Variants in POU3F3 observed in about 807,000 individuals in gnomAD.
POU3F3 encodes POU domain, class 3, transcription factor 3.
A neutral mutation model predicts 8.6 loss-of-function variants in POU3F3; 1 was observed. The ratio of observed to expected loss-of-function variants is 0.12; its 90% confidence interval spans 0.04 to 0.55. The LOEUF is 0.55. Among genes scored for constraint, POU3F3 ranks in the 20% least tolerant of loss-of-function variants. The pLI is 0.91. For missense variants in POU3F3, 577 were observed against 690.7 expected, an observed-to-expected ratio of 0.84 and a Z score of 1.84; for synonymous variants, 418 against 327.4, an observed-to-expected ratio of 1.28 and a Z score of -2.99.
the POU3F3 span, among the ~76,000 whole-genome samples, chr2:104,923,677 C>T: frequency 2.0e-5 from 3 of 152,074 alleles, no homozygotes; most frequent in African/African-American, 4.8e-5. Context: ...TAAGTTTCTC[C>T]TCATCAATAA....
the POU3F3 span, among the ~76,000 whole-genome samples, chr2:104,919,590 C>A: frequency 6.6e-6 from 1 of 152,208 alleles, no homozygotes; most frequent in Non-Finnish European, 1.5e-5. Context: ...TTTAAGCCTG[C>A]AGCTTCGGTT....
chr2:104,861,892 C>T (rs1314902251), downstream of POU3F3, among the ~76,000 whole-genome samples: 1 of 152,164 alleles, frequency 6.6e-6, no homozygotes, highest in African/African-American at 2.4e-5. Context: ...AGGATCCTCA[C>T]GGTAGGCTTG....
the POU3F3 span, among the ~76,000 whole-genome samples, chr2:104,881,359 T>A: frequency 6.6e-6 from 1 of 151,346 alleles, no homozygotes; most frequent in Admixed American, 6.6e-5. Flanking sequence ...GAGATGGGGG[T>A]ATCACTGAGT....
At chr2:104,917,675 A>T in the POU3F3 span, among the ~76,000 whole-genome samples, 1 of 152,192 alleles carries the variant, frequency 6.6e-6, no homozygotes, top group Non-Finnish European at 1.5e-5. Context: ...GAAACTATCC[A>T]CTTGGTTTCA....
the POU3F3 span, among the ~76,000 whole-genome samples, chr2:104,903,015 C>T: frequency 3.3e-5 from 5 of 152,252 alleles, no homozygotes; most frequent in East Asian, 7.7e-4. Flanking sequence ...AATGTCATAT[C>T]GCTGCAGGCT....
Position 104,856,245 on chromosome 2 carries a change from CG to C in POU3F3, c.737del (p.Gly246AlafsTer123). The C allele has an allele frequency of 4.7e-6, 6 of 1,281,414 alleles. No individual in the cohort carries two copies. In the South Asian group the frequency reaches 8.7e-5, roughly 19 times the overall value. The allele number at this position is 1,281,414 out of a possible 1,614,324, so 79.4% of individuals were successfully genotyped here. A position where few individuals can be genotyped will look rare whatever the true frequency, so the allele number is the denominator to read the frequency against. ...CACCGGGGCCCGGCGGCGGCGGCGG[CG>C]GCGCGGGCGGTGGAGCCCAGAGCTT... ...APPGPGGGGG[G>X]AGGGAQSLVH... On this transcript the variant is annotated frameshift_variant, in exon 1 of 1. Coordinates refer to ENST00000361360, the MANE Select transcript of POU3F3 (RefSeq NM_006236.3). LOFTEE classifies it high-confidence loss of function.
downstream of POU3F3, among the ~76,000 whole-genome samples, chr2:104,861,130 C>G (rs1189284825): frequency 6.6e-6 from 1 of 152,066 alleles, no homozygotes; most frequent in Non-Finnish European, 1.5e-5. Context: ...CAAGCTAAAT[C>G]AAAAATGATA....
the POU3F3 span, among the ~76,000 whole-genome samples, chr2:104,921,236 G>A: frequency 7.2e-5 from 11 of 152,212 alleles, no homozygotes; most frequent in South Asian, 1.9e-3. Context: ...CATAGCCAGC[G>A]TCCAAACTGG....
At chr2:104,910,347 C>G in the POU3F3 span, among the ~76,000 whole-genome samples, 1 of 152,120 alleles carries the variant, frequency 6.6e-6, no homozygotes, top group Non-Finnish European at 1.5e-5. Context: ...AGCAATATAT[C>G]TACAAGCGGC....
At chr2:104,865,921 G>A in the POU3F3 span, 1 of 152,178 alleles carries the variant, frequency 6.6e-6, no homozygotes, top group African/African-American at 2.4e-5. Flanking sequence ...TAGTAGCTTG[G>A]TCTTGAGAAT....
rs771043661 is a variant in POU3F3, at chr2:104,855,923, AGCCGCCGCC to A, written c.417_425del (p.Pro142_Pro144del). 1.0e-5 allele frequency: 11 copies of A among 1,057,572 alleles called. No homozygotes were observed. The highest frequency in any genetic ancestry group is 1.0e-4 in the East Asian group (1 of 9,962). 65.5% of individuals were successfully genotyped at this position (1,057,572 alleles called of 1,614,324 possible). A position where few individuals can be genotyped will look rare whatever the true frequency, so the allele number is the denominator to read the frequency against. On this transcript the variant is annotated inframe_deletion, in exon 1 of 1. Coordinates refer to ENST00000361360, the MANE Select transcript of POU3F3 (RefSeq NM_006236.3). ...GCTGGCAGCCCCCAGCAGCCACCGC[AGCCGCCGCC>A]GCCACCGCCGCAGGGCCCCGACGTG...
the POU3F3 span, among the ~76,000 whole-genome samples, chr2:104,902,584 C>G: frequency 1.3e-5 from 2 of 152,322 alleles, no homozygotes; most frequent in Non-Finnish European, 2.9e-5. Context: ...TTGTTTGCCC[C>G]TTTCCTGCTG....
chr2:104,904,834 G>T, the POU3F3 span, among the ~76,000 whole-genome samples: 4 of 152,094 alleles, frequency 2.6e-5, no homozygotes, highest in African/African-American at 4.8e-5. Flanking sequence ...CAAGAGAGGG[G>T]CGTGGAGGGG....
At chr2:104,886,514 C>T in the POU3F3 span, among the ~76,000 whole-genome samples, 1 of 152,218 alleles carries the variant, frequency 6.6e-6, no homozygotes, top group Admixed American at 6.5e-5. Context: ...ATAACTGTTA[C>T]AGGAAAGGGG....
chr2:104,898,900 A>G, the POU3F3 span, among the ~76,000 whole-genome samples: 25 of 152,316 alleles, frequency 1.6e-4, no homozygotes, highest in Non-Finnish European at 3.1e-4. Flanking sequence ...TAAATTTTTC[A>G]TGGAATTCCT....
the POU3F3 span, among the ~76,000 whole-genome samples, chr2:104,881,100 C>CTCTT: frequency 4.1e-5 from 5 of 120,562 alleles, no homozygotes; most frequent in African/African-American, 1.2e-4. Context: ...TATATATTTT[C>CTCTT]TCTTTCTTTC....
At chr2:104,910,835 GA>G in the POU3F3 span, among the ~76,000 whole-genome samples, 3 of 149,008 alleles carry the variant, frequency 2.0e-5, no homozygotes, top group Non-Finnish European at 4.5e-5. Flanking sequence ...AAATGCTCAG[GA>G]AAAAAAGAAA....
the POU3F3 span, among the ~76,000 whole-genome samples, chr2:104,871,672 C>T: frequency 6.6e-6 from 1 of 152,134 alleles, no homozygotes; most frequent in Non-Finnish European, 1.5e-5. Flanking sequence ...TTCCCCCCTG[C>T]TTTTGGTAAA....
chr2:104,907,340 C>G, the POU3F3 span, among the ~76,000 whole-genome samples: 2 of 152,206 alleles, frequency 1.3e-5, no homozygotes. Flanking sequence ...TTCCAACATC[C>G]CATCCCCTTA....
Sources: gnomAD v4.1 joint callset for allele counts (sites outside exome capture counted in the v4.1 genomes callset) on GRCh38, gnomAD v4.1.1 for gene constraint, MANE v1.5 for transcripts, NCBI Gene and HGNC (gene_info 2026-07-23, HGNC 2026-07-21) for gene names.